The following PTPRD variants were observed in gnomAD, a reference collection of about 807,000 sequenced individuals.
The protein encoded by PTPRD is receptor-type tyrosine-protein phosphatase delta.
PTPRD carries 34 observed loss-of-function variants against 214.5 expected under a neutral mutation model. The ratio of observed to expected loss-of-function variants is 0.16; its 90% CI spans 0.12 to 0.21. The LOEUF (loss-of-function observed/expected upper bound fraction) is 0.21, where lower values mean the gene tolerates loss of function less well. Among genes scored for constraint, PTPRD ranks in the 10% least tolerant of loss-of-function variants. The pLI is 1.00. For synonymous variants in PTPRD, 1,128 were observed against 845.7 expected (o/e 1.33, Z -5.79); for missense variants, 2,545 against 2,398.7 (o/e 1.06, Z -1.27).
intron 34 of PTPRD, 94 bp from the exon 35 acceptor site, chr9:8,436,783 C>T: frequency 1.0e-6 from 1 of 1,001,074 alleles, no homozygotes; most frequent in Non-Finnish European, 1.5e-6. Flanking sequence ...TTAGAAATGG[C>T]CTGAAAATAT....
intron 7 of PTPRD, among the ~76,000 whole-genome samples, chr9:9,678,633 T>C (rs2096988689): frequency 6.6e-6 from 1 of 151,936 alleles, no homozygotes; most frequent in Admixed American, 6.6e-5. Flanking sequence ...CTTTGGTGAC[T>C]ATTCAGGGTT....
chr9:9,554,286 G>T (rs184420058), intron 8 of PTPRD, among the ~76,000 whole-genome samples: 1 of 152,136 alleles, frequency 6.6e-6, no homozygotes, highest in Admixed American at 6.6e-5. Flanking sequence ...AATGAGATTT[G>T]AGCATTTTAT....
At position 10,277,748 on chromosome 9, in the gene PTPRD, G is replaced by C. The variant is rs565988817; in HGVS notation, c.-545+63215C>G. 3.3e-5 allele frequency among the ~76,000 whole-genome samples: 5 copies of C among 152,220 alleles called. No individual in the cohort carries two copies. In the South Asian group the frequency reaches 1.0e-3, roughly 32 times the overall value. On this transcript the variant is annotated intron_variant, in intron 3 of 45. Coordinates refer to ENST00000381196, the MANE Select transcript of PTPRD (RefSeq NM_002839.4). ...GTACTCTATGTAGATCTTACCTCAAGTGTCAAAGAATCACCTACATAGTGG... is the reference window on the plus strand; with the variant it reads ...GTACTCTATGTAGATCTTACCTCAACTGTCAAAGAATCACCTACATAGTGG...
At chr9:9,677,671 C>G (rs1231545568) in intron 7 of PTPRD, among the ~76,000 whole-genome samples, 1 of 151,932 alleles carries the variant, frequency 6.6e-6, no homozygotes, top group Non-Finnish European at 1.5e-5. Flanking sequence ...GACAGGGATG[C>G]CCTCTCTCAC....
intron 8 of PTPRD, among the ~76,000 whole-genome samples, chr9:9,516,321 T>C (rs1470635403): frequency 6.6e-6 from 1 of 152,012 alleles, no homozygotes; most frequent in Non-Finnish European, 1.5e-5. Flanking sequence ...GCTTTTGTTG[T>C]CTTGTGAGAA....
At chr9:10,160,745 G>C (rs2154288516) in intron 3 of PTPRD, among the ~76,000 whole-genome samples, 1 of 151,974 alleles carries the variant, frequency 6.6e-6, no homozygotes, top group Non-Finnish European at 1.5e-5. Context: ...TCAAGAGAAA[G>C]AAACAAAGGG....
At chr9:10,505,092 G>T (rs2045462107) in intron 2 of PTPRD, among the ~76,000 whole-genome samples, 1 of 152,144 alleles carries the variant, frequency 6.6e-6, no homozygotes, top group African/African-American at 2.4e-5. Context: ...AAGAAAAAAG[G>T]CAAAACCTTA....
intron 8 of PTPRD, among the ~76,000 whole-genome samples, chr9:9,418,100 A>C (rs2077517585): frequency 6.6e-6 from 1 of 152,060 alleles, no homozygotes; most frequent in Admixed American, 6.6e-5. Context: ...GCATCTTTTC[A>C]ACTTCAATCC....
At chr9:8,934,506 A>AATTTATATATATAAATAT (rs1567101538) in intron 11 of PTPRD, among the ~76,000 whole-genome samples, 2 of 10,410 alleles carry the variant, frequency 1.9e-4, no homozygotes, top group African/African-American at 5.6e-4. Flanking sequence ...TATATATATA[A>AATTTATATATATAAATAT]ATATATATAT....
intron 11 of PTPRD, among the ~76,000 whole-genome samples, chr9:8,742,255 A>G (rs1217000723): frequency 1.3e-5 from 2 of 152,162 alleles, no homozygotes; most frequent in Non-Finnish European, 2.9e-5. Context: ...ATAAAACTGT[A>G]TATATTATGC....
chr9:9,655,596 A>AAACCAAACCC (rs1564351403), intron 7 of PTPRD, among the ~76,000 whole-genome samples: 1 of 151,708 alleles, frequency 6.6e-6, no homozygotes, highest in African/African-American at 2.4e-5. Flanking sequence ...AAACCAAACC[A>AAACCAAACCC]AACCAAACCA....
chr9:9,431,904 G>A (rs975702260), intron 8 of PTPRD, among the ~76,000 whole-genome samples: 1 of 113,230 alleles, frequency 8.8e-6, no homozygotes, highest in Admixed American at 1.0e-4. Flanking sequence ...GGCCTGTTGT[G>A]GGGTGGGGGG....
intron 2 of PTPRD, among the ~76,000 whole-genome samples, chr9:10,400,382 T>C (rs922398184): frequency 1.3e-5 from 2 of 151,800 alleles, no homozygotes; most frequent in African/African-American, 4.8e-5. Context: ...AATTTTAAAA[T>C]AAATACATTT....
intron 7 of PTPRD, among the ~76,000 whole-genome samples, chr9:9,669,663 C>T (rs1051862277): frequency 1.3e-5 from 2 of 152,128 alleles, no homozygotes; most frequent in African/African-American, 4.8e-5. Flanking sequence ...TTAATGAATA[C>T]ATTTATGAGT....
At chr9:10,576,015 G>T (rs2069182114) in intron 2 of PTPRD, among the ~76,000 whole-genome samples, 1 of 152,046 alleles carries the variant, frequency 6.6e-6, no homozygotes, top group Non-Finnish European at 1.5e-5. Context: ...AGTAATCAAG[G>T]AACATATGCA....
intron 5 of PTPRD, among the ~76,000 whole-genome samples, chr9:9,869,475 T>C (rs908802467): frequency 3.9e-5 from 6 of 152,174 alleles, no homozygotes; most frequent in Non-Finnish European, 8.8e-5. Context: ...GACTCACCTA[T>C]AGCTTCTCTT....
chr9:9,075,135 T>C (rs1290350051), intron 10 of PTPRD, among the ~76,000 whole-genome samples: 1 of 152,096 alleles, frequency 6.6e-6, no homozygotes. Context: ...TGATAATCTG[T>C]GTTTAAAAAT....
At position 10,126,424 on chromosome 9, in the gene PTPRD, TATACACACAC is replaced by T. The variant is rs773920293; in HGVS notation, c.-544-92644_-544-92635del. Among the ~76,000 whole-genome samples, 15 of 130,998 alleles carry T rather than the reference TATACACACAC, an allele frequency of 1.1e-4. No homozygotes were observed. The East Asian group carries it at 2.4e-3, about 21-fold the overall frequency. The allele number at this position is 130,998 out of a possible 152,430, so 85.9% of individuals were successfully genotyped here. A position where few individuals can be genotyped will look rare whatever the true frequency, so the allele number is the denominator to read the frequency against. The stretch of plus-strand genomic sequence containing the variant: ...ATTCCTTAAATAATACTGTTTTATA[TATACACACAC>T]ACACACACACACACACACACACACA... On this transcript the variant is annotated intron_variant, in intron 3 of 45. Transcript: ENST00000381196.
At chr9:10,544,918 G>T (rs769369101) in intron 2 of PTPRD, among the ~76,000 whole-genome samples, 1 of 152,030 alleles carries the variant, frequency 6.6e-6, no homozygotes, top group African/African-American at 2.4e-5. Flanking sequence ...ATTCTGTCCC[G>T]TACTTACCTA....
Sources: allele counts gnomAD v4.1 joint callset (sites outside exome capture counted in the v4.1 genomes callset), GRCh38; gene constraint gnomAD v4.1.1; transcripts MANE v1.5; gene names NCBI Gene and HGNC (gene_info 2026-07-23, HGNC 2026-07-21).